Variants in RASA3 observed in about 807,000 individuals in gnomAD.
The protein encoded by RASA3 is RAS p21 protein activator 3.
A neutral mutation model predicts 110.0 loss-of-function variants in RASA3; 73 were observed. That is an observed-to-expected ratio of 0.66 (90% CI 0.55 to 0.81). The LOEUF (loss-of-function observed/expected upper bound fraction) is 0.81, where lower values mean the gene tolerates loss of function less well. RASA3 is among the 30% of genes least tolerant of loss of function. RASA3 has a pLI of 0.00. For missense variants in RASA3, 976 were observed against 1,113.2 expected (o/e 0.88, Z 1.75); for synonymous variants, 500 against 451.4 (o/e 1.11, Z -1.37).
At chr13:114,024,170 T>A in intron 8 of RASA3, 109 bp downstream of exon 8, 2 of 1,126,788 alleles carry the variant, frequency 1.8e-6, no homozygotes, top group African/African-American at 3.1e-5. Flanking sequence ...ACCAAGAAAA[T>A]GGAAATTCAT....
chr13:114,093,375 A>G (rs1488281028), intron 1 of RASA3, among the ~76,000 whole-genome samples: 1 of 152,212 alleles, frequency 6.6e-6, no homozygotes, highest in African/African-American at 2.4e-5. Flanking sequence ...AGCACTCTGA[A>G]TATATCATCC....
intron 1 of RASA3, among the ~76,000 whole-genome samples, chr13:114,092,339 C>A (rs1309120966): frequency 6.6e-6 from 1 of 152,112 alleles, no homozygotes; most frequent in East Asian, 1.9e-4. Flanking sequence ...TTTGCTGTAT[C>A]CCATAGGTTT....
chr13:114,096,853 C>T lies in RASA3; in HGVS notation c.56-23016G>A, dbSNP rs1284736272. ...AGGCCGATCTCGCTGCTCCCTCGGA[C>T]GTACTCGCCCTACACCCCAGCCAAA... is the stretch of plus-strand genomic sequence containing the variant. On this transcript the variant is annotated intron_variant, in intron 1 of 23. Coordinates refer to ENST00000334062, the MANE Select transcript of RASA3 (RefSeq NM_007368.4). The surrounding 1 kb of genome is among the most constrained non-coding windows in gnomAD (Gnocchi z 5.1). Among the ~76,000 whole-genome samples, 2 of 152,192 alleles carry T rather than the reference C, an allele frequency of 1.3e-5. No individual in the cohort carries two copies. The highest frequency in any genetic ancestry group is 2.4e-5 in the African/African-American group (1 of 41,436).
Position 114,009,375 on chromosome 13 carries a change from G to C in RASA3, c.1668+12C>G, listed in dbSNP as rs1404210484. 1 of 1,606,616 alleles carries C rather than the reference G, an allele frequency of 6.2e-7. No homozygotes were observed. The highest frequency in any genetic ancestry group is 8.5e-7 in the Non-Finnish European group (1 of 1,174,366). On this transcript the variant is annotated intron_variant, in intron 17 of 23. Transcript: ENST00000334062. Reference sequence around the variant, plus strand: ...CGGCACACGGGCGGTCGGAGGGTGAGTCGATACTTACGTTCTTCACCGCAT... The same window carrying C: ...CGGCACACGGGCGGTCGGAGGGTGACTCGATACTTACGTTCTTCACCGCAT...
At chr13:114,074,625 C>G (rs1478730511) in intron 1 of RASA3, among the ~76,000 whole-genome samples, 1 of 152,216 alleles carries the variant, frequency 6.6e-6, no homozygotes, top group Non-Finnish European at 1.5e-5. Context: ...ACTGTAAACT[C>G]CAGCTGTTCG....
chr13:114,068,259 C>T (rs1398668119), intron 2 of RASA3, among the ~76,000 whole-genome samples: 1 of 152,234 alleles, frequency 6.6e-6, no homozygotes, highest in Non-Finnish European at 1.5e-5. Flanking sequence ...GGGCTTTGCC[C>T]AGCCTCAACC....
intron 7 of RASA3, 24 bp from the exon 8 acceptor site, chr13:114,024,379 C>T (rs367611489): frequency 1.9e-6 from 3 of 1,609,650 alleles, no homozygotes; most frequent in Non-Finnish European, 8.5e-7. Context: ...AGAGAGAAAG[C>T]GCTGAGACCG....
At chr13:114,019,806 CTGTGT>C (rs2053880628) in intron 9 of RASA3, among the ~76,000 whole-genome samples, 1 of 134,750 alleles carries the variant, frequency 7.4e-6, no homozygotes, top group Non-Finnish European at 1.6e-5. Context: ...TGGGTGGAGC[CTGTGT>C]CCGAGGCATT....
At chr13:114,117,346 G>C (rs1317219878) in intron 1 of RASA3, among the ~76,000 whole-genome samples, 1 of 135,854 alleles carries the variant, frequency 7.4e-6, no homozygotes, top group Admixed American at 7.3e-5. Flanking sequence ...TGTGTGAGGA[G>C]AGCACGTGTG....
At chr13:114,017,732 G>A (rs1391134260) in intron 11 of RASA3, among the ~76,000 whole-genome samples, 5 of 152,208 alleles carry the variant, frequency 3.3e-5, no homozygotes, top group Admixed American at 1.3e-4. Flanking sequence ...AGTGGCTGCA[G>A]GTGCAGCCAG....
At chr13:114,077,625 C>T (rs867108682) in intron 1 of RASA3, among the ~76,000 whole-genome samples, 12 of 148,912 alleles carry the variant, frequency 8.1e-5, no homozygotes, top group South Asian at 4.4e-4. Flanking sequence ...CCCAGTCCCC[C>T]CACACTGGCA....
Position 114,007,612 on chromosome 13 carries a change from G to T in RASA3, c.1669-6C>A. ...GACGAAATCAGATCCAAGAACTAAA[G>T]TTGGAAGAAATCAGGTCACCGGGAG... On this transcript the variant is annotated splice_polypyrimidine_tract_variant and splice_region_variant and intron_variant, in intron 17 of 23. Transcript: ENST00000334062. The T allele has an allele frequency of 6.2e-7, 1 of 1,609,880 alleles. No homozygotes were observed. The highest frequency in any genetic ancestry group is 1.1e-5 in the South Asian group (1 of 91,000).
intron 2 of RASA3, among the ~76,000 whole-genome samples, chr13:114,053,036 CCT>C (rs2079176872): frequency 6.9e-6 from 1 of 144,346 alleles, no homozygotes; most frequent in Non-Finnish European, 1.5e-5. Flanking sequence ...TGCTTAGAGT[CCT>C]GGCTCCTGGG....
At chr13:114,018,632 C>T (rs1286445779) in intron 10 of RASA3, 131 bp downstream of exon 10, 7 of 1,192,628 alleles carry the variant, frequency 5.9e-6, no homozygotes, top group Non-Finnish European at 8.1e-6. Context: ...GGGAAACAGG[C>T]CAGGCTGGGA....
Position 114,073,750 on chromosome 13 carries a change from A to C in RASA3, c.143T>G (p.Phe48Cys). ...CTVNLDQEEV[F>C]RTKIVEKSLC... ...TGACTTTTCCACAATTTTGGTCCTG[A>C]AAACCTCCTCCTGGTCCAGGTTCAC... The change falls in exon 2 of 24, where the codon TTC (phenylalanine) becomes TGC (cysteine). Residue 48 changes from phenylalanine to cysteine, a missense_variant. By Grantham distance (205) the Phe-to-Cys change is radical. Transcript: ENST00000334062. 4 of 1,614,188 alleles carry C rather than the reference A, an allele frequency of 2.5e-6. No individual in the cohort carries two copies. Among genetic ancestry groups the C allele is most frequent in the Non-Finnish European group, 3.4e-6 (4 of 1,180,016 alleles).
chr13:114,124,513 C>T (rs1039129004), intron 1 of RASA3, among the ~76,000 whole-genome samples: 18 of 152,236 alleles, frequency 1.2e-4, no homozygotes, highest in African/African-American at 3.9e-4. Context: ...AAAGCTTGAA[C>T]GTTTGTAACT....
rs374447328 is a variant in RASA3 at position 114,056,082 on chromosome 13, C to T, written c.174-3927G>A. On this transcript the variant is annotated intron_variant, in intron 2 of 23. Coordinates refer to ENST00000334062, the MANE Select transcript of RASA3 (RefSeq NM_007368.4). This position sits in a 1 kb window ranked among gnomAD's most constrained non-coding sequence, Gnocchi z 5.7. ...GTTCACCTGGCGCGTCACCGTTTCC[C>T]GAGAGCCCCCCGCCCCCGCACAGGC... 6.3e-4 allele frequency among the ~76,000 whole-genome samples: 96 copies of T among 152,268 alleles called. No homozygotes were observed. The highest frequency in any genetic ancestry group is 2.2e-3 in the African/African-American group (93 of 41,546).
At chr13:114,099,386 C>A (rs545693095) in intron 1 of RASA3, among the ~76,000 whole-genome samples, 10 of 151,538 alleles carry the variant, frequency 6.6e-5, no homozygotes, top group Non-Finnish European at 7.4e-5. Flanking sequence ...ACAGAAATAG[C>A]GTGTCTTGTG....
At position 113,998,562 on chromosome 13, in the gene RASA3, G is replaced by A. The variant is rs192563543; in HGVS notation, c.1932+1023C>T. Among the ~76,000 whole-genome samples, 189 of 152,290 alleles carry A rather than the reference G, an allele frequency of 1.2e-3. 5 individuals are homozygous for A. The South Asian group carries it at 0.036, about 29-fold the overall frequency. The stretch of plus-strand genomic sequence containing the variant: ...GGGTCAGCCTCAGGATGGCACGGAC[G>A]GCGGGGTCACTGGCTGAAGGGGCAC... On this transcript the variant is annotated intron_variant, in intron 20 of 23. Coordinates refer to ENST00000334062, the MANE Select transcript of RASA3 (RefSeq NM_007368.4).
Sources: allele counts gnomAD v4.1 joint callset (sites outside exome capture counted in the v4.1 genomes callset), GRCh38; gene constraint gnomAD v4.1.1; non-coding constraint Gnocchi (gnomAD v3.1); transcripts MANE v1.5; gene names NCBI Gene and HGNC (gene_info 2026-07-23, HGNC 2026-07-21).